Variants in ANKRD33B observed in about 807,000 individuals in gnomAD.
ANKRD33B encodes the protein ankyrin repeat domain-containing protein 33B.
A neutral mutation model predicts 21.5 loss-of-function variants in ANKRD33B; 6 were observed. The observed-to-expected ratio is 0.28, with a 90% CI of 0.15 to 0.55. The LOEUF (loss-of-function observed/expected upper bound fraction) is 0.55. ANKRD33B is among the 20% of genes least tolerant of loss of function. The pLI is 0.94. For missense variants in ANKRD33B, 698 were observed against 747.2 expected (o/e 0.93, Z 0.77); for synonymous variants, 347 against 342.4 (o/e 1.01, Z -0.15).
At chr5:10,639,795 A>G (rs368106151) in intron 3 of ANKRD33B, among the ~76,000 whole-genome samples, 2 of 8,408 alleles carry the variant, frequency 2.4e-4, no homozygotes, top group Admixed American at 1.3e-3. Context: ...GGTGACGCGG[A>G]GTTGCGCGGC....
At chr5:10,602,586 C>T (rs955635403) in intron 1 of ANKRD33B, among the ~76,000 whole-genome samples, 3 of 152,182 alleles carry the variant, frequency 2.0e-5, no homozygotes, top group Non-Finnish European at 4.4e-5. Flanking sequence ...AACATGCTGT[C>T]GTCTGAGAGC....
rs1737360663 is a variant in ANKRD33B at position 10,651,692 on chromosome 5, A to G, written c.*1579A>G. On this transcript the variant is annotated 3_prime_UTR_variant, in exon 4 of 4. Coordinates refer to ENST00000296657, the MANE Select transcript of ANKRD33B (RefSeq NM_001164440.2). Reference sequence around the variant, plus strand: ...TCTGTACTATGACCCTAATAACCCTAGATACATCATGATACATGGTGTCTG... The same window carrying G: ...TCTGTACTATGACCCTAATAACCCTGGATACATCATGATACATGGTGTCTG... 6.6e-6 allele frequency: 1 copy of G among 152,326 alleles called. No individual in the cohort carries two copies. The highest frequency in any genetic ancestry group is 1.5e-5 in the Non-Finnish European group (1 of 68,052). The allele number at this position is 152,326 out of a possible 1,614,324, so 9.4% of individuals were successfully genotyped here.
At chr5:10,607,656 C>T (rs1389545039) in intron 1 of ANKRD33B, among the ~76,000 whole-genome samples, 6 of 152,170 alleles carry the variant, frequency 3.9e-5, no homozygotes, top group Admixed American at 3.9e-4. Context: ...AGACCGTCGC[C>T]CATACTTGAG....
chr5:10,616,257 A>C (rs551346503), intron 1 of ANKRD33B, among the ~76,000 whole-genome samples: 1 of 152,268 alleles, frequency 6.6e-6, no homozygotes, highest in South Asian at 2.1e-4. Context: ...TTGTTGTTCC[A>C]TGAAAAATTA....
chr5:10,599,423 G>A (rs1249285998), intron 1 of ANKRD33B, among the ~76,000 whole-genome samples: 2 of 152,064 alleles, frequency 1.3e-5, no homozygotes, highest in African/African-American at 2.4e-5. Context: ...GCAATGTTGT[G>A]CAAACATTAT....
intron 1 of ANKRD33B, among the ~76,000 whole-genome samples, chr5:10,611,182 A>T (rs1736164046): frequency 6.6e-6 from 1 of 152,266 alleles, no homozygotes; most frequent in Non-Finnish European, 1.5e-5. Context: ...AGAAAGCACA[A>T]AAAGGCATTT....
At chr5:10,566,863 C>T (rs953592080) in intron 1 of ANKRD33B, among the ~76,000 whole-genome samples, 33 of 152,306 alleles carry the variant, frequency 2.2e-4, no homozygotes, top group African/African-American at 7.0e-4. Context: ...GGCTTAGTGC[C>T]CACAAGGCTC....
intron 1 of ANKRD33B, among the ~76,000 whole-genome samples, chr5:10,616,321 C>G (rs1736282153): frequency 1.3e-5 from 2 of 152,070 alleles, no homozygotes; most frequent in Non-Finnish European, 2.9e-5. Context: ...AATCCTAGCA[C>G]TTTGGGAGAC....
At chr5:10,612,660 C>T (rs557401772) in intron 1 of ANKRD33B, among the ~76,000 whole-genome samples, 1 of 152,328 alleles carries the variant, frequency 6.6e-6, no homozygotes, top group South Asian at 2.1e-4. Flanking sequence ...TCTCTTGCGC[C>T]GTTGCAGCTG....
chr5:10,564,279 G>C lies in ANKRD33B; in HGVS notation c.-189G>C, dbSNP rs1734993247. The C allele has an allele frequency of 4.2e-6, 1 of 235,652 alleles. No homozygotes were observed. The highest frequency in any genetic ancestry group is 7.0e-6 in the Non-Finnish European group (1 of 142,746). 14.6% of individuals were successfully genotyped at this position (235,652 alleles called of 1,614,324 possible). On this transcript the variant is annotated 5_prime_UTR_variant, in exon 1 of 4. Coordinates refer to ENST00000296657, the MANE Select transcript of ANKRD33B (RefSeq NM_001164440.2). Reference sequence around the variant, plus strand: ...CCCCGCGGTCCCGCCCACCCCAGGGGCTCGCTCAGCCTCCGGAGACTTTTT... The same window carrying C: ...CCCCGCGGTCCCGCCCACCCCAGGGCCTCGCTCAGCCTCCGGAGACTTTTT...
chr5:10,583,020 G>A (rs560484382), intron 1 of ANKRD33B, among the ~76,000 whole-genome samples: 2 of 149,682 alleles, frequency 1.3e-5, no homozygotes, highest in East Asian at 3.9e-4. Flanking sequence ...TTTTTGAGAT[G>A]GAATCTTGCT....
chr5:10,624,481 C>T (rs1193442424), intron 2 of ANKRD33B, among the ~76,000 whole-genome samples: 2 of 151,892 alleles, frequency 1.3e-5, no homozygotes, highest in African/African-American at 4.8e-5. Flanking sequence ...TACTGATTTG[C>T]TTGAGCTCTC....
intron 3 of ANKRD33B, among the ~76,000 whole-genome samples, chr5:10,646,676 G>A (rs1226106221): frequency 6.6e-6 from 1 of 152,216 alleles, no homozygotes; most frequent in Non-Finnish European, 1.5e-5. Context: ...GGTTTAATGT[G>A]TCATCTATTT....
intron 1 of ANKRD33B, among the ~76,000 whole-genome samples, chr5:10,596,147 C>T (rs1735812632): frequency 6.6e-6 from 1 of 152,182 alleles, no homozygotes; most frequent in South Asian, 2.1e-4. Context: ...ATTATGCTTG[C>T]TTTCTTTTTG....
At chr5:10,566,126 C>G (rs1735050708) in intron 1 of ANKRD33B, among the ~76,000 whole-genome samples, 1 of 152,178 alleles carries the variant, frequency 6.6e-6, no homozygotes, top group African/African-American at 2.4e-5. Context: ...GGTGGGGACA[C>G]AGCCAAACCA....
At chr5:10,627,194 C>T (rs1736572622) in intron 2 of ANKRD33B, 1 of 152,208 alleles carries the variant, frequency 6.6e-6, no homozygotes, top group Non-Finnish European at 1.5e-5. Context: ...GTCATTTCAA[C>T]TTTCACCACC....
chr5:10,590,302 G>A (rs1435047486), intron 1 of ANKRD33B, among the ~76,000 whole-genome samples: 3 of 152,210 alleles, frequency 2.0e-5, no homozygotes, highest in East Asian at 3.8e-4. Context: ...ACTAGATTGT[G>A]TTATCTTGTC....
chr5:10,649,600 C>T lies in ANKRD33B; in HGVS notation c.972C>T (p.Cys324=). 10 of 1,530,234 alleles carry T rather than the reference C, an allele frequency of 6.5e-6. No individual in the cohort carries two copies. Among genetic ancestry groups the T allele is most frequent in the Non-Finnish European group, 8.7e-6 (10 of 1,144,052 alleles). 94.8% of individuals were successfully genotyped at this position (1,530,234 alleles called of 1,614,324 possible). A position where few individuals can be genotyped will look rare whatever the true frequency, so the allele number is the denominator to read the frequency against. Residue 324 remains cysteine (C), a synonymous_variant, in exon 4 of 4, where the codon TGC becomes TGT. Coordinates refer to ENST00000296657, the MANE Select transcript of ANKRD33B (RefSeq NM_001164440.2). ...ACAGCCCCGCCGTGGCCATCGTGTG[C>T]CAGACCGTGTGCCCTGAGAGCCCTC... ...SLYSPAVAIV[C]QTVCPESPPS...
In ANKRD33B at chr5:10,576,423, T is replaced by C. The variant is rs949940922; in HGVS notation, c.366+11590T>C. On this transcript the variant is annotated intron_variant, in intron 1 of 3. Transcript: ENST00000296657. The surrounding 1 kb of genome is among the most constrained non-coding windows in gnomAD (Gnocchi z 4.1). ...CTGCATTTCAAGGTCCTGAGATGAT[T>C]TGCACATACATTTAAGTTTCAGGAG... is the stretch of plus-strand genomic sequence containing the variant. Among the ~76,000 whole-genome samples the C allele has an allele frequency of 6.6e-6, 1 of 152,214 alleles. No individual in the cohort carries two copies. The highest frequency in any genetic ancestry group is 1.5e-5 in the Non-Finnish European group (1 of 68,040).
Sources: gnomAD v4.1 joint callset for allele counts (sites outside exome capture counted in the v4.1 genomes callset) on GRCh38, gnomAD v4.1.1 for gene constraint, Gnocchi (gnomAD v3.1) non-coding constraint, MANE v1.5 for transcripts, NCBI Gene and HGNC (gene_info 2026-07-23, HGNC 2026-07-21) for gene names.